The following SLX4IP variants were observed in gnomAD, a reference collection of about 807,000 sequenced individuals.
SLX4IP encodes protein SLX4IP.
SLX4IP carries 34 observed loss-of-function variants against 32.9 expected under a neutral mutation model. That is an observed-to-expected ratio of 1.03 (90% CI 0.79 to 1.38). The LOEUF (loss-of-function observed/expected upper bound fraction) is 1.38. Among genes scored for constraint, SLX4IP ranks in the 40% most tolerant of loss-of-function variants. The pLI is 0.00. For missense variants in SLX4IP, 444 were observed against 479.0 expected (o/e 0.93, Z 0.68); for synonymous variants, 172 against 171.7 (o/e 1.00, Z -0.01).
intron 2 of SLX4IP, among the ~76,000 whole-genome samples, chr20:10,474,852 G>T (rs991475735): frequency 6.6e-6 from 1 of 152,136 alleles, no homozygotes; most frequent in Non-Finnish European, 1.5e-5. Context: ...AGCTTACCTC[G>T]GCCTCCCTCT....
chr20:10,576,256 G>T (rs1228013659), intron 4 of SLX4IP, among the ~76,000 whole-genome samples: 1 of 152,016 alleles, frequency 6.6e-6, no homozygotes, highest in African/African-American at 2.4e-5. Context: ...ACTCCCTTTG[G>T]TACGATAGAC....
intron 2 of SLX4IP, among the ~76,000 whole-genome samples, chr20:10,515,371 C>T (rs2065841554): frequency 6.6e-6 from 1 of 152,180 alleles, no homozygotes; most frequent in Non-Finnish European, 1.5e-5. Flanking sequence ...AGGCATGAGC[C>T]ACCGTGCCAG....
At chr20:10,563,813 G>C (rs751610004) in intron 4 of SLX4IP, among the ~76,000 whole-genome samples, 4 of 152,154 alleles carry the variant, frequency 2.6e-5, no homozygotes, top group Non-Finnish European at 5.9e-5. Flanking sequence ...CTATAGCTTT[G>C]TAGTATATTT....
In SLX4IP at chr20:10,560,507, G is replaced by T. The variant is rs570170233; in HGVS notation, c.118-193G>T. On this transcript the variant is annotated intron_variant, in intron 3 of 7. Transcript: ENST00000334534. ...AGATCACACAGTGAGCCAACATCAT[G>T]GTTTCGAGCAAACTTCAGTAGCAAA... is the stretch of plus-strand genomic sequence containing the variant. Among the ~76,000 whole-genome samples the T allele has an allele frequency of 2.0e-5, 3 of 152,264 alleles. No individual in the cohort carries two copies. The South Asian group carries it at 6.2e-4, about 32-fold the overall frequency.
chr20:10,463,468 A>C (rs977089263), intron 2 of SLX4IP, among the ~76,000 whole-genome samples: 1 of 152,138 alleles, frequency 6.6e-6, no homozygotes, highest in Non-Finnish European at 1.5e-5. Flanking sequence ...CTGCTTTTTT[A>C]GTTTAGCATG....
At chr20:10,611,064 G>A (rs531380150) in intron 6 of SLX4IP, among the ~76,000 whole-genome samples, 1 of 152,252 alleles carries the variant, frequency 6.6e-6, no homozygotes, top group Admixed American at 6.5e-5. Flanking sequence ...TGAAAATCAT[G>A]AGGTGTCCAC....
chr20:10,536,723 G>A (rs1379057972), intron 2 of SLX4IP, among the ~76,000 whole-genome samples: 3 of 152,190 alleles, frequency 2.0e-5, no homozygotes, highest in Non-Finnish European at 4.4e-5. Flanking sequence ...TTTTCACTTT[G>A]GTCAACTGTG....
intron 1 of SLX4IP, among the ~76,000 whole-genome samples, chr20:10,439,768 T>C (rs16991592): frequency 0.018 from 2,685 of 152,322 alleles, 55 homozygotes; most frequent in South Asian, 0.077. Flanking sequence ...GTCTACTTTT[T>C]AGAGATTGAG....
At chr20:10,530,801 T>C (rs958679972) in intron 2 of SLX4IP, among the ~76,000 whole-genome samples, 1 of 150,660 alleles carries the variant, frequency 6.6e-6, no homozygotes, top group African/African-American at 2.4e-5. Flanking sequence ...GACTCTAAGG[T>C]AGAAAAAAAA....
intron 2 of SLX4IP, among the ~76,000 whole-genome samples, chr20:10,465,364 TC>T (rs1336306953): frequency 1.3e-5 from 2 of 152,234 alleles, no homozygotes; most frequent in Non-Finnish European, 2.9e-5. Context: ...TTACATATCA[TC>T]CCTGGCTGCT....
rs1262101005 is a variant in SLX4IP at position 10,623,734 on chromosome 20, G to A, written c.*355G>A. On this transcript the variant is annotated 3_prime_UTR_variant, in exon 8 of 8. Transcript: ENST00000334534. ...ACATCACTGTGCAGACCACACAATG[G>A]ACCGTGCAAAGACAGTGCTGCCGTG... 8.2e-6 allele frequency: 2 copies of A among 242,800 alleles called. No individual in the cohort carries two copies. The highest frequency in any genetic ancestry group is 4.5e-5 in the African/African-American group (2 of 44,796). The allele number at this position is 242,800 out of a possible 1,614,324, so 15.0% of individuals were successfully genotyped here.
chr20:10,467,349 A>C (rs1218947195), intron 2 of SLX4IP, among the ~76,000 whole-genome samples: 1 of 152,246 alleles, frequency 6.6e-6, no homozygotes, highest in South Asian at 2.1e-4. Context: ...ATAAATCACA[A>C]ACATTTTAAA....
chr20:10,587,555 T>TA (rs1296254961), intron 4 of SLX4IP, among the ~76,000 whole-genome samples: 1 of 152,088 alleles, frequency 6.6e-6, no homozygotes, highest in Non-Finnish European at 1.5e-5. Context: ...TATGATTGTA[T>TA]ATGCAGAAAA....
At chr20:10,501,595 C>T (rs939905715) in intron 2 of SLX4IP, among the ~76,000 whole-genome samples, 5 of 152,240 alleles carry the variant, frequency 3.3e-5, no homozygotes, top group African/African-American at 1.2e-4. Flanking sequence ...ACCTCCTCTC[C>T]GCTGTTGCCA....
rs367741399 is a variant in SLX4IP, at chr20:10,452,559, G to A, written c.-29-5617G>A. On this transcript the variant is annotated intron_variant, in intron 1 of 7. Transcript: ENST00000334534. The stretch of plus-strand genomic sequence containing the variant: ...CATGCACCTGTAATCCCGGCTACTC[G>A]GGAAGCTGAGACAGGAGAATCGCTT... 2.0e-5 allele frequency among the ~76,000 whole-genome samples: 3 copies of A among 150,816 alleles called. No individual in the cohort carries two copies. In the South Asian group the frequency reaches 6.3e-4, roughly 32 times the overall value.
At chr20:10,494,723 A>G (rs1180313732) in intron 2 of SLX4IP, among the ~76,000 whole-genome samples, 1 of 151,180 alleles carries the variant, frequency 6.6e-6, no homozygotes, top group Non-Finnish European at 1.5e-5. Context: ...TCTTCCTCCT[A>G]TCTCCCCCTG....
chr20:10,464,931 A>AGGC (rs2065367740), intron 2 of SLX4IP, among the ~76,000 whole-genome samples: 1 of 152,142 alleles, frequency 6.6e-6, no homozygotes. Context: ...CTGGGACTAC[A>AGGC]GGCGGCACTG....
chr20:10,573,311 C>T (rs897727116), intron 4 of SLX4IP, among the ~76,000 whole-genome samples: 2 of 152,214 alleles, frequency 1.3e-5, no homozygotes, highest in Admixed American at 6.5e-5. Context: ...TGAAAACTTG[C>T]TCTAAAACAC....
intron 2 of SLX4IP, among the ~76,000 whole-genome samples, chr20:10,476,328 T>C (rs138224246): frequency 2.6e-5 from 4 of 152,334 alleles, no homozygotes; most frequent in African/African-American, 7.2e-5. Flanking sequence ...TCTTAAATTT[T>C]GAAGCACTGA....
Sources: allele counts gnomAD v4.1 joint callset (sites outside exome capture counted in the v4.1 genomes callset), GRCh38; gene constraint gnomAD v4.1.1; transcripts MANE v1.5; gene names NCBI Gene and HGNC (gene_info 2026-07-23, HGNC 2026-07-21).